Variants in LINGO2 observed in about 807,000 individuals in gnomAD.
LINGO2 encodes the protein leucine rich repeat and Ig domain containing 2.
LINGO2 carries 14 observed loss-of-function variants against 30.6 expected under a neutral mutation model. The observed-to-expected ratio is 0.46, with a 90% CI of 0.30 to 0.72. The LOEUF (loss-of-function observed/expected upper bound fraction) is 0.72. Among genes scored for constraint, LINGO2 ranks in the 30% least tolerant of loss-of-function variants. LINGO2 has a pLI of 0.07. For synonymous variants in LINGO2, 317 were observed against 288.5 expected, an observed-to-expected ratio of 1.10 and a Z score of -1.00; for missense variants, 729 against 751.7, an observed-to-expected ratio of 0.97 and a Z score of 0.35.
chr9:28,359,130 G>C (rs2134495690), intron 3 of LINGO2, among the ~76,000 whole-genome samples: 1 of 152,252 alleles, frequency 6.6e-6, no homozygotes. Flanking sequence ...CGACTGCAAA[G>C]AGGACATCTG....
intron 1 of LINGO2, among the ~76,000 whole-genome samples, chr9:28,637,751 A>G (rs541310777): frequency 6.6e-6 from 1 of 152,292 alleles, no homozygotes; most frequent in East Asian, 1.9e-4. Context: ...TAGATATACA[A>G]TCAAGTCATC....
the LINGO2 span, among the ~76,000 whole-genome samples, chr9:29,042,187 G>A: frequency 1.3e-5 from 2 of 151,922 alleles, no homozygotes; most frequent in Non-Finnish European, 2.9e-5. Flanking sequence ...GATCACTCAT[G>A]CACTGCTGAT....
At chr9:28,960,923 T>C in the LINGO2 span, among the ~76,000 whole-genome samples, 1 of 152,138 alleles carries the variant, frequency 6.6e-6, no homozygotes, top group Non-Finnish European at 1.5e-5. Flanking sequence ...ATTGAATTAT[T>C]TAATATTCAC....
At chr9:28,974,910 A>G in the LINGO2 span, among the ~76,000 whole-genome samples, 98,730 of 151,742 alleles carry the variant, frequency 0.65, 32,718 homozygotes, top group Non-Finnish European at 0.72. Flanking sequence ...ATTGGTATTC[A>G]TTTTCATTGG....
intron 1 of LINGO2, among the ~76,000 whole-genome samples, chr9:28,630,810 T>G (rs967142499): frequency 6.6e-6 from 1 of 151,904 alleles, no homozygotes; most frequent in Non-Finnish European, 1.5e-5. Context: ...AGTTTAACAC[T>G]CTACTGAGAG....
chr9:28,601,753 T>G (rs1825486374), intron 1 of LINGO2, among the ~76,000 whole-genome samples: 1 of 152,046 alleles, frequency 6.6e-6, no homozygotes, highest in African/African-American at 2.4e-5. Context: ...AAAAATCCCC[T>G]CAAGTCCTCA....
intron 1 of LINGO2, among the ~76,000 whole-genome samples, chr9:28,519,782 A>T (rs954933510): frequency 1.3e-5 from 2 of 152,284 alleles, no homozygotes; most frequent in East Asian, 3.9e-4. Flanking sequence ...AGAGTTTATA[A>T]TTTCGATGAG....
At chr9:28,280,301 G>A (rs1823273659) in intron 4 of LINGO2, among the ~76,000 whole-genome samples, 1 of 152,090 alleles carries the variant, frequency 6.6e-6, no homozygotes, top group African/African-American at 2.4e-5. Context: ...GGAGCTCTCA[G>A]TCCAACAAGA....
At chr9:28,931,192 C>A in the LINGO2 span, among the ~76,000 whole-genome samples, 1 of 152,186 alleles carries the variant, frequency 6.6e-6, no homozygotes. Context: ...AAATGACTCT[C>A]AAATATGTAA....
chr9:28,873,851 T>C, the LINGO2 span, among the ~76,000 whole-genome samples: 1 of 151,922 alleles, frequency 6.6e-6, no homozygotes, highest in Non-Finnish European at 1.5e-5. Flanking sequence ...AAATACCTCA[T>C]TTACATTCCA....
the LINGO2 span, among the ~76,000 whole-genome samples, chr9:29,181,501 T>C: frequency 0.014 from 2,056 of 152,272 alleles, 44 homozygotes; most frequent in African/African-American, 0.047. Flanking sequence ...ATATGAAAAG[T>C]ATAAATATCA....
At chr9:28,356,868 C>A (rs942280102) in intron 3 of LINGO2, among the ~76,000 whole-genome samples, 11 of 151,916 alleles carry the variant, frequency 7.2e-5, no homozygotes, top group Admixed American at 5.3e-4. Flanking sequence ...AGCAAGTTTA[C>A]TTCCTCTTCC....
At chr9:28,597,154 T>A (rs1196927015) in intron 1 of LINGO2, among the ~76,000 whole-genome samples, 2 of 152,130 alleles carry the variant, frequency 1.3e-5, no homozygotes, top group South Asian at 2.1e-4. Flanking sequence ...CCTCGAGGCA[T>A]GAAAGGGTGT....
chr9:28,555,441 A>C (rs1198440777), intron 1 of LINGO2, among the ~76,000 whole-genome samples: 1 of 151,556 alleles, frequency 6.6e-6, no homozygotes, highest in Non-Finnish European at 1.5e-5. Context: ...CCCAAGACTA[A>C]ACCAGGAAGC....
At chr9:29,121,823 A>T in the LINGO2 span, among the ~76,000 whole-genome samples, 1 of 152,002 alleles carries the variant, frequency 6.6e-6, no homozygotes, top group Non-Finnish European at 1.5e-5. Context: ...TGTGTGATTA[A>T]TTTTTCCTTT....
the LINGO2 span, among the ~76,000 whole-genome samples, chr9:28,910,558 C>T: frequency 3.8e-3 from 576 of 152,014 alleles, 4 homozygotes; most frequent in Non-Finnish European, 4.3e-3. Context: ...GGCAAACTTC[C>T]CCCTTGCTGT....
intron 1 of LINGO2, among the ~76,000 whole-genome samples, chr9:28,580,685 C>T (rs1033683881): frequency 1.3e-4 from 19 of 152,000 alleles, no homozygotes; most frequent in Non-Finnish European, 1.9e-4. Flanking sequence ...TTAAGGGCAC[C>T]AGCACTTTGG....
intron 4 of LINGO2, among the ~76,000 whole-genome samples, chr9:28,233,642 C>A (rs1821453362): frequency 1.3e-5 from 2 of 152,202 alleles, no homozygotes; most frequent in African/African-American, 2.4e-5. Flanking sequence ...TCCTCTCCAA[C>A]TCCAGCAAGT....
chr9:28,485,962 A>G (rs536448586), intron 1 of LINGO2, among the ~76,000 whole-genome samples: 2 of 152,226 alleles, frequency 1.3e-5, no homozygotes, highest in Admixed American at 6.6e-5. Flanking sequence ...CACTATTCTT[A>G]TTCTTGGTGT....
Sources: allele counts gnomAD v4.1 joint callset (sites outside exome capture counted in the v4.1 genomes callset), GRCh38; gene constraint gnomAD v4.1.1; transcripts MANE v1.5; gene names NCBI Gene and HGNC (gene_info 2026-07-23, HGNC 2026-07-21).